Variants in TRPM5 observed in about 807,000 individuals in gnomAD.
TRPM5 encodes the protein MLSN1 and TRP-related.
Under a neutral mutation model 124.9 loss-of-function variants are expected in TRPM5, and 121 were observed. The observed-to-expected ratio is 0.97, with a 90% CI of 0.84 to 1.13. TRPM5 has a LOEUF of 1.13. Ranked by LOEUF, TRPM5 falls within the 50% of genes most tolerant of loss-of-function variation. The probability of loss-of-function intolerance (pLI) is 0.00; values close to 1 mark genes in which losing one functional copy is unlikely to be tolerated. For missense variants in TRPM5, 1,643 were observed against 1,589.1 expected, an observed-to-expected ratio of 1.03 and a Z score of -0.58; for synonymous variants, 781 against 700.5, an observed-to-expected ratio of 1.11 and a Z score of -1.81.
chr11:2,411,462 G>C (rs1355770285), exon 18 of TRPM5: 1 of 1,611,984 alleles, frequency 6.2e-7, no homozygotes, highest in African/African-American at 1.3e-5. Flanking sequence ...CAGCGCCTGG[G>C]TGGTGACACC....
chr11:2,427,306 T>C (rs1051826961), upstream of TRPM5, among the ~76,000 whole-genome samples: 8 of 152,162 alleles, frequency 5.3e-5, no homozygotes, highest in Admixed American at 1.3e-4. Context: ...CTGTCAGCGG[T>C]GTGAGGGTCC....
chr11:2,433,461 G>T, the TRPM5 span, among the ~76,000 whole-genome samples: 16 of 152,398 alleles, frequency 1.0e-4, no homozygotes, highest in Admixed American at 9.1e-4. Flanking sequence ...CAGTGGCTGG[G>T]GTAGGGGGCT....
chr11:2,411,807 A>C (rs1431435706), intron 16 of TRPM5, 40 bp from the exon 22 acceptor site: 1 of 1,607,780 alleles, frequency 6.2e-7, no homozygotes, highest in African/African-American at 1.3e-5. Context: ...GGGCCCAGAG[A>C]GGGGCAGAGG....
chr11:2,439,078 A>G, the TRPM5 span, among the ~76,000 whole-genome samples: 1 of 152,348 alleles, frequency 6.6e-6, no homozygotes, highest in South Asian at 2.1e-4. Flanking sequence ...GAAATGGGGA[A>G]AAGACTCCAT....
chr11:2,410,776 C>A, intron 18 of TRPM5: 1 of 422,612 alleles, frequency 2.4e-6, no homozygotes. Context: ...CACACACACA[C>A]ATTGGGGTGG....
the TRPM5 span, among the ~76,000 whole-genome samples, chr11:2,444,389 C>T: frequency 6.6e-6 from 1 of 151,880 alleles, no homozygotes; most frequent in Non-Finnish European, 1.5e-5. Flanking sequence ...CCCTCCTGCC[C>T]CCGCTGTGCC....
chr11:2,414,673 CTCCCCCG>C, intron 11 of TRPM5, 35 bp downstream of exon 16: 1 of 1,463,740 alleles, frequency 6.8e-7, no homozygotes, highest in South Asian at 1.3e-5. Flanking sequence ...CCGTCACATC[CTCCCCCG>C]CGCGCGGGCC....
chr11:2,422,153 C>T (rs1845781791), exon 2 of TRPM5: 2 of 1,605,934 alleles, frequency 1.2e-6, no homozygotes, highest in Non-Finnish European at 1.7e-6. Flanking sequence ...GTGCTCTGAG[C>T]CGCCTTCACC....
intron 19 of TRPM5, 123 bp downstream of exon 24, chr11:2,407,636 C>T: frequency 7.7e-7 from 1 of 1,299,848 alleles, no homozygotes; most frequent in Non-Finnish European, 1.1e-6. Flanking sequence ...TCTATCTGCC[C>T]TGAGGCACCA....
chr11:2,437,192 C>T, the TRPM5 span, among the ~76,000 whole-genome samples: 216 of 152,376 alleles, frequency 1.4e-3, no homozygotes, highest in African/African-American at 4.8e-3. This position sits in a 1 kb window ranked among gnomAD's most constrained non-coding sequence, Gnocchi z 5.6. Context: ...CACATACTTG[C>T]ACACATGTGG....
At chr11:2,407,159 C>A in exon 20 of TRPM5, 3 of 1,610,288 alleles carry the variant, frequency 1.9e-6, no homozygotes, top group African/African-American at 2.7e-5. Flanking sequence ...TCTTGAAGAC[C>A]CGGCGGAGCG....
At chr11:2,422,277 G>A (rs764231417) in exon 2 of TRPM5, 2 of 1,612,416 alleles carry the variant, frequency 1.2e-6, no homozygotes, top group Admixed American at 1.7e-5. Flanking sequence ...CAAGCAGCAG[G>A]TCAAAGAGCA....
At chr11:2,430,404 C>T in the TRPM5 span, among the ~76,000 whole-genome samples, 6 of 152,152 alleles carry the variant, frequency 3.9e-5, no homozygotes, top group East Asian at 1.9e-4. Flanking sequence ...CCTCTTTCCT[C>T]GGTAAATTAC....
the TRPM5 span, among the ~76,000 whole-genome samples, chr11:2,436,912 C>T: frequency 6.6e-6 from 1 of 152,220 alleles, no homozygotes; most frequent in African/African-American, 2.4e-5. Flanking sequence ...CCCCGCTCGC[C>T]CACCTGGGCA....
At position 2,416,156 on chromosome 11, in the gene TRPM5, C is replaced by T. The variant is rs565456069; in HGVS notation, c.1010-132G>A. On this transcript the variant is annotated intron_variant, in intron 7 of 23. Coordinates refer to ENST00000155858, the Ensembl canonical transcript of TRPM5. ...CTTCACGCTGGGACTTGAGGGGGCA[C>T]ATGCGCCACCTCTGAGCACCAGCAG... 1.3e-5 allele frequency: 8 copies of T among 621,476 alleles called. No individual in the cohort carries two copies. The East Asian group carries it at 2.2e-4, about 17-fold the overall frequency. 38.5% of individuals were successfully genotyped at this position (621,476 alleles called of 1,614,324 possible).
intron 12 of TRPM5, 52 bp downstream of exon 17, chr11:2,414,009 G>GGGGCGCCCCCCCCCCCCCCCCCCCCCCCC: frequency 9.8e-7 from 1 of 1,023,734 alleles, no homozygotes; most frequent in Non-Finnish European, 1.4e-6. Context: ...GGCCCAGCTC[G>GGGGCGCCCCCCCCCCCCCCCCCCCCCCCC]CCCGCCCACC....
chr11:2,430,593 G>T, the TRPM5 span, among the ~76,000 whole-genome samples: 1 of 151,712 alleles, frequency 6.6e-6, no homozygotes, highest in Non-Finnish European at 1.5e-5. Flanking sequence ...GGTGTTGATG[G>T]TGGTGGTGGT....
At chr11:2,433,538 G>A in the TRPM5 span, among the ~76,000 whole-genome samples, 1 of 152,202 alleles carries the variant, frequency 6.6e-6, no homozygotes, top group Non-Finnish European at 1.5e-5. Context: ...GCTGTGTGTG[G>A]AGCGGGCACT....
intron 11 of TRPM5, among the ~76,000 whole-genome samples, chr11:2,414,483 G>A (rs1850523898): frequency 1.3e-5 from 2 of 152,188 alleles, no homozygotes; most frequent in South Asian, 2.1e-4. Context: ...TATGCCCGGG[G>A]TGTGAGGCTG....
Sources: gnomAD v4.1 joint callset for allele counts (sites outside exome capture counted in the v4.1 genomes callset) on GRCh38, gnomAD v4.1.1 for gene constraint, Gnocchi (gnomAD v3.1) non-coding constraint, MANE v1.5 for transcripts, NCBI Gene and HGNC (gene_info 2026-07-23, HGNC 2026-07-21) for gene names.